Variants in CDC42BPA observed in about 807,000 individuals in gnomAD.
CDC42BPA encodes the protein serine/threonine-protein kinase MRCK alpha.
CDC42BPA carries 80 observed loss-of-function variants against 223.5 expected under a neutral mutation model. That is an observed-to-expected ratio of 0.36 (90% CI 0.30 to 0.43). The LOEUF (loss-of-function observed/expected upper bound fraction) is 0.43, where lower values mean the gene tolerates loss of function less well. Ranked by LOEUF, CDC42BPA falls within the 20% of genes least tolerant of loss-of-function variation. The pLI is 1.00. For synonymous variants in CDC42BPA, 694 were observed against 718.6 expected, an observed-to-expected ratio of 0.97 and a Z score of 0.55; for missense variants, 1,743 against 2,099.9, an observed-to-expected ratio of 0.83 and a Z score of 3.32.
At chr1:227,105,681 T>C (rs942165203) in intron 14 of CDC42BPA, among the ~76,000 whole-genome samples, 1 of 152,166 alleles carries the variant, frequency 6.6e-6, no homozygotes, top group Non-Finnish European at 1.5e-5. Flanking sequence ...AATTATTTCA[T>C]ATAAGTGGAA....
At chr1:227,153,259 T>C (rs1044624926) in intron 6 of CDC42BPA, among the ~76,000 whole-genome samples, 11 of 151,380 alleles carry the variant, frequency 7.3e-5, no homozygotes, top group African/African-American at 2.7e-4. Context: ...TCTTTTCAAA[T>C]AAACATAGAA....
intron 9 of CDC42BPA, among the ~76,000 whole-genome samples, chr1:227,142,442 T>C (rs547061061): frequency 1.3e-5 from 2 of 152,320 alleles, no homozygotes; most frequent in African/African-American, 4.8e-5. Context: ...GTTCCATTCT[T>C]TCCCCTCCAA....
intron 35 of CDC42BPA, among the ~76,000 whole-genome samples, chr1:227,003,024 C>G (rs1663190628): frequency 6.6e-6 from 1 of 152,056 alleles, no homozygotes; most frequent in African/African-American, 2.4e-5. Context: ...ATTTCTTATG[C>G]AGCAAGAGAT....
intron 1 of CDC42BPA, among the ~76,000 whole-genome samples, chr1:227,309,096 T>C (rs1461377827): frequency 6.6e-6 from 1 of 151,690 alleles, no homozygotes; most frequent in Non-Finnish European, 1.5e-5. Context: ...CAGGTGCGGC[T>C]GCTCACATCT....
chr1:227,217,978 C>G (rs535683514), intron 2 of CDC42BPA, among the ~76,000 whole-genome samples: 1 of 152,208 alleles, frequency 6.6e-6, no homozygotes, highest in Non-Finnish European at 1.5e-5. Flanking sequence ...TCATTCACTA[C>G]AATATAAGCT....
intron 10 of CDC42BPA, among the ~76,000 whole-genome samples, chr1:227,138,803 A>G (rs116338512): frequency 3.7e-4 from 56 of 152,214 alleles, no homozygotes; most frequent in African/African-American, 1.2e-3. Context: ...GGTTCTGCCA[A>G]AGGTATTTGA....
chr1:227,046,290 T>C (rs1202454265), intron 23 of CDC42BPA, among the ~76,000 whole-genome samples: 3 of 151,950 alleles, frequency 2.0e-5, no homozygotes, highest in Admixed American at 1.3e-4. Flanking sequence ...CCAAATGACA[T>C]TATCGATAGG....
chr1:227,260,455 T>C (rs1683842238), intron 1 of CDC42BPA, among the ~76,000 whole-genome samples: 3 of 150,718 alleles, frequency 2.0e-5, no homozygotes, highest in Admixed American at 2.0e-4. Context: ...AACAACAGAG[T>C]CTCCTTCAAT....
rs951273575 is a variant in CDC42BPA, at chr1:227,317,898, G to A, written c.-716C>T. 9 of 398,600 alleles carry A rather than the reference G, an allele frequency of 2.3e-5. No individual in the cohort carries two copies. The highest frequency in any genetic ancestry group is 2.5e-4 in the South Asian group (2 of 7,856). The allele number at this position is 398,600 out of a possible 1,614,324, so 24.7% of individuals were successfully genotyped here. A position where few individuals can be genotyped will look rare whatever the true frequency, so the allele number is the denominator to read the frequency against. On this transcript the variant is annotated 5_prime_UTR_variant, in exon 1 of 37. Coordinates refer to ENST00000366766, the MANE Select transcript of CDC42BPA (RefSeq NM_001394014.1). The stretch of plus-strand genomic sequence containing the variant: ...CTTTGCAGTCAGTCCTATTTTCAAC[G>A]GATTCCGGTGAAAACTCTTCATTTT...
intron 14 of CDC42BPA, among the ~76,000 whole-genome samples, chr1:227,106,673 A>T (rs1168962726): frequency 1.3e-5 from 2 of 152,160 alleles, no homozygotes; most frequent in African/African-American, 4.8e-5. Flanking sequence ...ATCAAATCCA[A>T]GGTCTCTTGA....
At chr1:227,042,619 A>C (rs552850488) in intron 23 of CDC42BPA, among the ~76,000 whole-genome samples, 2 of 152,272 alleles carry the variant, frequency 1.3e-5, no homozygotes, top group East Asian at 1.9e-4. Flanking sequence ...TTTGGTGTGA[A>C]AATGTATAAA....
chr1:227,229,280 T>C (rs1474300325), intron 2 of CDC42BPA, among the ~76,000 whole-genome samples: 1 of 152,172 alleles, frequency 6.6e-6, no homozygotes, highest in Non-Finnish European at 1.5e-5. Context: ...CTGTTTTACC[T>C]CCTTGGTTTC....
At chr1:227,200,156 C>T (rs1042965507) in intron 3 of CDC42BPA, among the ~76,000 whole-genome samples, 1 of 152,138 alleles carries the variant, frequency 6.6e-6, no homozygotes, top group Admixed American at 6.5e-5. Context: ...ATGGGCCGGG[C>T]GCAGTGGCTC....
chr1:227,018,600 A>G (rs533780637), intron 32 of CDC42BPA, among the ~76,000 whole-genome samples: 1 of 152,310 alleles, frequency 6.6e-6, no homozygotes, highest in African/African-American at 2.4e-5. Flanking sequence ...CAGCATAGTC[A>G]CACACAGTGA....
At chr1:227,157,012 T>C (rs1457896134) in intron 6 of CDC42BPA, among the ~76,000 whole-genome samples, 2 of 152,232 alleles carry the variant, frequency 1.3e-5, no homozygotes, top group Admixed American at 6.5e-5. Flanking sequence ...TATACAGTTA[T>C]CCTAGAGCAG....
chr1:227,307,712 C>T (rs1692807365), intron 1 of CDC42BPA, among the ~76,000 whole-genome samples: 1 of 152,036 alleles, frequency 6.6e-6, no homozygotes, highest in African/African-American at 2.4e-5. Context: ...TTCTACATAC[C>T]ACACCACACG....
At chr1:227,296,957 T>C (rs550946901) in intron 1 of CDC42BPA, among the ~76,000 whole-genome samples, 18 of 152,228 alleles carry the variant, frequency 1.2e-4, no homozygotes, top group African/African-American at 2.2e-4. Flanking sequence ...CCAGAATGTA[T>C]GAAGAACTCT....
chr1:227,031,575 A>G, intron 27 of CDC42BPA, 61 bp from the exon 28 acceptor site: 1 of 1,366,656 alleles, frequency 7.3e-7, no homozygotes, highest in Non-Finnish European at 1.0e-6. Flanking sequence ...TGCTAGTTTC[A>G]TGATTATGTT....
intron 1 of CDC42BPA, among the ~76,000 whole-genome samples, chr1:227,309,773 G>T (rs1240893057): frequency 6.6e-6 from 1 of 152,158 alleles, no homozygotes; most frequent in African/African-American, 2.4e-5. Flanking sequence ...GCAGGAAAAG[G>T]TCATAATTAA....
Sources: allele counts gnomAD v4.1 joint callset (sites outside exome capture counted in the v4.1 genomes callset), GRCh38; gene constraint gnomAD v4.1.1; transcripts MANE v1.5; gene names NCBI Gene and HGNC (gene_info 2026-07-23, HGNC 2026-07-21).